PPFIA2: variants seen among roughly 807,000 people sequenced by gnomAD.
PPFIA2 encodes PPFI scaffold protein A2.
A neutral mutation model predicts 175.5 loss-of-function variants in PPFIA2; 46 were observed. The observed-to-expected ratio is 0.26, with a 90% CI of 0.21 to 0.34. The LOEUF (loss-of-function observed/expected upper bound fraction) is 0.34, where lower values mean the gene tolerates loss of function less well. Ranked by LOEUF, PPFIA2 falls within the 10% of genes least tolerant of loss-of-function variation. The pLI is 1.00. For missense variants in PPFIA2, 1,179 were observed against 1,506.1 expected (o/e 0.78, Z 3.60); for synonymous variants, 568 against 511.4 (o/e 1.11, Z -1.49).
intron 14 of PPFIA2, among the ~76,000 whole-genome samples, chr12:81,363,756 C>T (rs1430956959): frequency 2.0e-5 from 3 of 151,668 alleles, no homozygotes; most frequent in African/African-American, 7.3e-5. Context: ...ATGATTTTTA[C>T]CAGCTTCAGT....
At chr12:81,366,635 C>T (rs1177393144) in intron 14 of PPFIA2, among the ~76,000 whole-genome samples, 1 of 151,716 alleles carries the variant, frequency 6.6e-6, no homozygotes, top group East Asian at 1.9e-4. Context: ...TCTCTCTCCT[C>T]AGTTAGATTT....
intron 4 of PPFIA2, among the ~76,000 whole-genome samples, chr12:81,582,957 A>G (rs2074639933): frequency 6.6e-6 from 1 of 151,912 alleles, no homozygotes; most frequent in African/African-American, 2.4e-5. Flanking sequence ...CAATAAAAAT[A>G]TCACTTCCTA....
intron 4 of PPFIA2, among the ~76,000 whole-genome samples, chr12:81,584,470 C>A (rs2074889629): frequency 6.6e-6 from 1 of 151,422 alleles, no homozygotes; most frequent in African/African-American, 2.4e-5. Context: ...TAATAATGTG[C>A]CAAAGAAGAC....
rs2038534461 is a variant in PPFIA2 at position 81,269,816 on chromosome 12, AGCATCCCATT to A, written c.3311-1739_3311-1730del. 2.0e-5 allele frequency among the ~76,000 whole-genome samples: 3 copies of A among 152,174 alleles called. No homozygotes were observed. In the South Asian group the frequency reaches 6.2e-4, roughly 32 times the overall value. On this transcript the variant is annotated intron_variant, in intron 28 of 32. Transcript: ENST00000549396. ...GGCGTGTTCATGATCATTGCTATCT[AGCATCCCATT>A]GCATGATTATGCTGCAATGTGTCCA...
At chr12:81,620,740 C>T (rs1457724512) in intron 4 of PPFIA2, among the ~76,000 whole-genome samples, 1 of 152,124 alleles carries the variant, frequency 6.6e-6, no homozygotes, top group Non-Finnish European at 1.5e-5. Context: ...AGGAGTGGGG[C>T]TGAGATTATC....
intron 17 of PPFIA2, among the ~76,000 whole-genome samples, chr12:81,351,757 A>G (rs1344556520): frequency 6.6e-6 from 1 of 151,040 alleles, no homozygotes; most frequent in African/African-American, 2.4e-5. Context: ...AAAAAAAAAA[A>G]AGACAGGCAT....
chr12:81,535,579 C>T, intron 4 of PPFIA2: 1 of 397,016 alleles, frequency 2.5e-6, no homozygotes, highest in Admixed American at 2.9e-5. Flanking sequence ...CTAGATACTA[C>T]CTTGGCAAGG....
chr12:81,499,118 G>C (rs1178365175), intron 4 of PPFIA2, among the ~76,000 whole-genome samples: 1 of 152,186 alleles, frequency 6.6e-6, no homozygotes, highest in African/African-American at 2.4e-5. Flanking sequence ...AATCTTTGCA[G>C]GCTTGCCGCC....
At chr12:81,360,335 G>A (rs2061426424) in intron 15 of PPFIA2, among the ~76,000 whole-genome samples, 1 of 151,866 alleles carries the variant, frequency 6.6e-6, no homozygotes. Context: ...AATGAACCCT[G>A]TAGCTTCTCC....
intron 7 of PPFIA2, among the ~76,000 whole-genome samples, chr12:81,419,589 C>A (rs1332837240): frequency 6.6e-6 from 1 of 151,972 alleles, no homozygotes; most frequent in South Asian, 2.1e-4. Flanking sequence ...TTTTCTTTTG[C>A]TATACCTTGT....
intron 4 of PPFIA2, among the ~76,000 whole-genome samples, chr12:81,490,121 G>C (rs2059270277): frequency 6.6e-6 from 1 of 151,818 alleles, no homozygotes. Flanking sequence ...GTTGAATTAA[G>C]CGAATTAAGT....
intron 3 of PPFIA2, among the ~76,000 whole-genome samples, chr12:81,740,665 T>A (rs1476688716): frequency 1.3e-5 from 2 of 152,140 alleles, no homozygotes; most frequent in African/African-American, 4.8e-5. Context: ...TCATCAAAGA[T>A]TCATAAAAAT....
Position 81,294,820 on chromosome 12 carries a change from C to G in PPFIA2, c.2925+15G>C. 6.2e-7 allele frequency: 1 copy of G among 1,609,844 alleles called. No individual in the cohort carries two copies. The highest frequency in any genetic ancestry group is 8.5e-7 in the Non-Finnish European group (1 of 1,177,926). On this transcript the variant is annotated intron_variant, in intron 24 of 32. Transcript: ENST00000549396. ...GCCTAGCACTGAGGAAGGGGAGGAGCAGAAACTGACTCACAGTTCGAGATG... is the reference window on the plus strand; with the variant it reads ...GCCTAGCACTGAGGAAGGGGAGGAGGAGAAACTGACTCACAGTTCGAGATG...
intron 7 of PPFIA2, among the ~76,000 whole-genome samples, chr12:81,409,160 A>C (rs2043446530): frequency 6.6e-6 from 1 of 152,186 alleles, no homozygotes; most frequent in Non-Finnish European, 1.5e-5. Context: ...GACAATAAAT[A>C]GAATGAAAAG....
chr12:81,379,295 C>T (rs918101546), intron 9 of PPFIA2, among the ~76,000 whole-genome samples: 1 of 152,068 alleles, frequency 6.6e-6, no homozygotes, highest in Non-Finnish European at 1.5e-5. Flanking sequence ...GATCTCTTGA[C>T]CTGAAGTTCA....
intron 18 of PPFIA2, among the ~76,000 whole-genome samples, chr12:81,345,437 T>C (rs2058891352): frequency 6.6e-6 from 1 of 152,112 alleles, no homozygotes; most frequent in Non-Finnish European, 1.5e-5. Context: ...GATTTATTTA[T>C]TACTAATTGT....
At chr12:81,733,904 A>T (rs541795251) in intron 3 of PPFIA2, among the ~76,000 whole-genome samples, 5 of 151,854 alleles carry the variant, frequency 3.3e-5, no homozygotes, top group African/African-American at 1.2e-4. Flanking sequence ...CCTACATGTT[A>T]CATTGCCACC....
intron 4 of PPFIA2, among the ~76,000 whole-genome samples, chr12:81,570,371 C>G (rs1424478834): frequency 1.3e-5 from 2 of 152,030 alleles, no homozygotes; most frequent in African/African-American, 4.8e-5. Flanking sequence ...TTTTCTCCTC[C>G]CCCTTCACTT....
chr12:81,500,066 G>A (rs2060435466), intron 4 of PPFIA2, among the ~76,000 whole-genome samples: 1 of 152,100 alleles, frequency 6.6e-6, no homozygotes, highest in Non-Finnish European at 1.5e-5. Context: ...GAAGCCATCT[G>A]TTGTTATTTT....
Sources: gnomAD v4.1 joint callset for allele counts (sites outside exome capture counted in the v4.1 genomes callset) on GRCh38, gnomAD v4.1.1 for gene constraint, MANE v1.5 for transcripts, NCBI Gene and HGNC (gene_info 2026-07-23, HGNC 2026-07-21) for gene names.